The following FBXO15 variants were observed in gnomAD, a reference collection of about 807,000 sequenced individuals.
FBXO15 encodes F-box protein 15, also known as F-box only protein 15.
FBXO15 carries 30 observed loss-of-function variants against 49.5 expected under a neutral mutation model. That is an observed-to-expected ratio of 0.61 (90% CI 0.45 to 0.82). FBXO15 has a LOEUF of 0.82. Among genes scored for constraint, FBXO15 ranks in the 40% least tolerant of loss-of-function variants. The pLI is 0.00. For missense variants in FBXO15, 591 were observed against 631.5 expected, an observed-to-expected ratio of 0.94 and a Z score of 0.69; for synonymous variants, 250 against 232.7, an observed-to-expected ratio of 1.07 and a Z score of -0.68.
chr18:74,141,476 C>G (rs958497434), intron 1 of FBXO15, among the ~76,000 whole-genome samples: 1 of 152,176 alleles, frequency 6.6e-6, no homozygotes, highest in Non-Finnish European at 1.5e-5. Flanking sequence ...AACATCATTG[C>G]TTTGAATGTG....
At chr18:74,147,370 C>T (rs1352503324) in intron 1 of FBXO15, among the ~76,000 whole-genome samples, 1 of 152,138 alleles carries the variant, frequency 6.6e-6, no homozygotes, top group Non-Finnish European at 1.5e-5. Flanking sequence ...GGGCACGCAT[C>T]CCGGAGAAAC....
chr18:74,134,997 T>C (rs2145212984), intron 3 of FBXO15, among the ~76,000 whole-genome samples: 1 of 152,292 alleles, frequency 6.6e-6, no homozygotes, highest in African/African-American at 2.4e-5. Context: ...TGATGCTAAA[T>C]GAGAGAGGGG....
intron 8 of FBXO15, among the ~76,000 whole-genome samples, chr18:74,108,755 T>G (rs1252144044): frequency 6.6e-6 from 1 of 152,158 alleles, no homozygotes; most frequent in Non-Finnish European, 1.5e-5. Flanking sequence ...CACCTAAGTG[T>G]ATAATCTTCA....
intron 1 of FBXO15, among the ~76,000 whole-genome samples, chr18:74,142,833 AGTC>A (rs1979169774): frequency 1.3e-5 from 2 of 152,362 alleles, no homozygotes; most frequent in Non-Finnish European, 2.9e-5. Flanking sequence ...TACTGTCAAT[AGTC>A]AACACAGTAA....
intron 7 of FBXO15, 102 bp from the exon 8 acceptor site, chr18:74,123,612 C>T: frequency 8.1e-7 from 1 of 1,228,314 alleles, no homozygotes; most frequent in Non-Finnish European, 1.1e-6. Flanking sequence ...TATCAAAGCA[C>T]TACCTCCTAC....
At chr18:74,130,878 G>T in intron 3 of FBXO15, 2 of 454,832 alleles carry the variant, frequency 4.4e-6, no homozygotes, top group Non-Finnish European at 7.6e-6. Context: ...AAAAGGAAAA[G>T]CCCATTTCCC....
At chr18:74,109,983 TA>T (rs897225828) in intron 8 of FBXO15, among the ~76,000 whole-genome samples, 5 of 150,556 alleles carry the variant, frequency 3.3e-5, no homozygotes, top group East Asian at 2.0e-4. Flanking sequence ...TATAATAATT[TA>T]AAAAAAAGGA....
intron 8 of FBXO15, among the ~76,000 whole-genome samples, chr18:74,107,797 AC>A (rs1568167365): frequency 6.6e-6 from 1 of 152,166 alleles, no homozygotes; most frequent in Non-Finnish European, 1.5e-5. Flanking sequence ...GGGAAAGGTA[AC>A]ACCAAAATGT....
intron 8 of FBXO15, among the ~76,000 whole-genome samples, chr18:74,089,516 A>G (rs562802216): frequency 6.6e-6 from 1 of 152,262 alleles, no homozygotes; most frequent in African/African-American, 2.4e-5. Flanking sequence ...TTTCAAGGGG[A>G]ATGCTTCCAG....
intron 8 of FBXO15, among the ~76,000 whole-genome samples, chr18:74,095,568 G>A (rs1913238612): frequency 6.6e-6 from 1 of 152,126 alleles, no homozygotes; most frequent in South Asian, 2.1e-4. Context: ...CATCTTACAT[G>A]GGCACTGTCT....
intron 8 of FBXO15, among the ~76,000 whole-genome samples, chr18:74,118,811 G>GTAAC (rs1914352515): frequency 6.6e-6 from 1 of 152,138 alleles, no homozygotes; most frequent in Non-Finnish European, 1.5e-5. Context: ...GTGTAGCCAA[G>GTAAC]TAACCTACCC....
At chr18:74,083,034 G>A (rs1442080762) in intron 8 of FBXO15, among the ~76,000 whole-genome samples, 3 of 152,196 alleles carry the variant, frequency 2.0e-5, no homozygotes, top group African/African-American at 7.2e-5. Context: ...GAAGGTTAAA[G>A]CCCACACTTT....
intron 8 of FBXO15, among the ~76,000 whole-genome samples, chr18:74,106,530 A>G (rs950741231): frequency 1.3e-5 from 2 of 152,208 alleles, no homozygotes; most frequent in African/African-American, 2.4e-5. Context: ...TTAGTACCTC[A>G]TAAGGTAGGT....
At chr18:74,080,234 C>T (rs1912433083) in intron 9 of FBXO15, among the ~76,000 whole-genome samples, 1 of 152,178 alleles carries the variant, frequency 6.6e-6, no homozygotes, top group African/African-American at 2.4e-5. Context: ...AGCTGCACAG[C>T]AAATACAAGA....
intron 9 of FBXO15, among the ~76,000 whole-genome samples, chr18:74,079,857 A>C (rs934708620): frequency 1.3e-5 from 2 of 152,218 alleles, no homozygotes; most frequent in African/African-American, 4.8e-5. Flanking sequence ...TCACGACTGC[A>C]CATCACTTCA....
At chr18:74,118,121 T>C (rs1045197106) in intron 8 of FBXO15, among the ~76,000 whole-genome samples, 1 of 151,804 alleles carries the variant, frequency 6.6e-6, no homozygotes, top group African/African-American at 2.4e-5. Flanking sequence ...CCTCAGCCTC[T>C]CAAGTAGCTG....
In FBXO15 at chr18:74,126,176, T is replaced by A. The variant is rs1049202321; in HGVS notation, c.786-75A>T. The A allele has an allele frequency of 3.2e-6, 5 of 1,574,190 alleles. No homozygotes were observed. In the African/African-American group the frequency reaches 5.4e-5, roughly 17 times the overall value. On this transcript the variant is annotated intron_variant, in intron 5 of 9. Coordinates refer to ENST00000419743, the MANE Select transcript of FBXO15 (RefSeq NM_001142958.2). ...CCATAGTGTTGTCAATTCTCTTTAGTGTATCACAAATGTGTTTGAAGAGCA... is the reference window on the plus strand; with the variant it reads ...CCATAGTGTTGTCAATTCTCTTTAGAGTATCACAAATGTGTTTGAAGAGCA...
In FBXO15 at chr18:74,147,820, G is replaced by A. The variant is rs573540134; in HGVS notation, c.-35C>T. The A allele has an allele frequency of 6.8e-4, 1,002 of 1,482,430 alleles. No individual in the cohort carries two copies. The highest frequency in any genetic ancestry group is 1.0e-3 in the Middle Eastern group (6 of 5,716). The allele number at this position is 1,482,430 out of a possible 1,614,324, so 91.8% of individuals were successfully genotyped here. On this transcript the variant is annotated 5_prime_UTR_variant, in exon 1 of 10. Coordinates refer to ENST00000419743, the MANE Select transcript of FBXO15 (RefSeq NM_001142958.2). ...GAGTTCACCACAGGACCGCGCCAGG[G>A]CTGAAACGAAGAGTGCACGCACCGC...
In FBXO15 at chr18:74,130,059, C is replaced by T. The variant is rs908252585; in HGVS notation, c.575+357G>A. Among the ~76,000 whole-genome samples the T allele has an allele frequency of 5.9e-5, 9 of 152,184 alleles. No individual in the cohort carries two copies. In the East Asian group the frequency reaches 1.3e-3, roughly 23 times the overall value. ...AAATGGCATAGTATGTGCATATAAC[C>T]TATGCACCTCCTCCCGTATTCTTTA... is the stretch of plus-strand genomic sequence containing the variant. On this transcript the variant is annotated intron_variant, in intron 4 of 9. Transcript: ENST00000419743.
Sources: allele counts gnomAD v4.1 joint callset (sites outside exome capture counted in the v4.1 genomes callset), GRCh38; gene constraint gnomAD v4.1.1; transcripts MANE v1.5; gene names NCBI Gene and HGNC (gene_info 2026-07-23, HGNC 2026-07-21).